NUBPL: variants seen among roughly 807,000 people sequenced by gnomAD.
NUBPL encodes the protein NUBP iron-sulfur cluster assembly factor, mitochondrial.
A neutral mutation model predicts 45.7 loss-of-function variants in NUBPL; 31 were observed. The ratio of observed to expected loss-of-function variants is 0.68; its 90% CI spans 0.51 to 0.92. The LOEUF is 0.92. NUBPL is among the 40% of genes least tolerant of loss of function. The probability of loss-of-function intolerance (pLI) is 0.00; values close to 1 mark genes in which losing one functional copy is unlikely to be tolerated. For synonymous variants in NUBPL, 144 were observed against 140.9 expected, an observed-to-expected ratio of 1.02 and a Z score of -0.15; for missense variants, 401 against 398.7, an observed-to-expected ratio of 1.01 and a Z score of -0.05.
At chr14:31,748,492 A>G (rs1440549679) in intron 6 of NUBPL, among the ~76,000 whole-genome samples, 1 of 152,172 alleles carries the variant, frequency 6.6e-6, no homozygotes, top group East Asian at 1.9e-4. Flanking sequence ...GTAGGTGTGT[A>G]GATATTTACA....
chr14:31,841,916 G>GTTTTT (rs2040374624), intron 8 of NUBPL, among the ~76,000 whole-genome samples: 3 of 33,208 alleles, frequency 9.0e-5, no homozygotes, highest in African/African-American at 3.9e-4. Context: ...TCGATTCTGG[G>GTTTTT]CTTTTTTTTT....
chr14:31,595,091 C>G (rs929295549), intron 3 of NUBPL, among the ~76,000 whole-genome samples: 1 of 152,180 alleles, frequency 6.6e-6, no homozygotes. Flanking sequence ...AACTGTGGTT[C>G]GTGTCTTTGA....
At position 31,760,144 on chromosome 14, in the gene NUBPL, T is replaced by TGTGTGTGTGTGAGAGAGAGAGA; in HGVS notation, c.514-27635_514-27634insTGTGTGTGTGAGAGAGAGAGAG. ...TGACTTTAGTGTGTGTGTGTGTGTG[T>TGTGTGTGTGTGAGAGAGAGAGA]GAGAGAGAGAGAGAGAGAGAGAGAG... On this transcript the variant is annotated intron_variant, in intron 6 of 10. Transcript: ENST00000281081. Among the ~76,000 whole-genome samples the TGTGTGTGTGTGAGAGAGAGAGA allele has an allele frequency of 4.9e-4, 17 of 34,838 alleles. 1 individual carries two copies. The highest frequency in any genetic ancestry group is 1.9e-3 in the South Asian group (1 of 532). The allele number at this position is 34,838 out of a possible 152,430, so 22.9% of individuals were successfully genotyped here.
intron 8 of NUBPL, among the ~76,000 whole-genome samples, chr14:31,827,059 G>GA (rs766666316): frequency 6.6e-6 from 1 of 152,014 alleles, no homozygotes; most frequent in African/African-American, 2.4e-5. Context: ...GGAAGCGGAT[G>GA]AAAAAAAGAT....
chr14:31,657,522 A>G (rs2036169412), intron 4 of NUBPL, among the ~76,000 whole-genome samples: 1 of 151,950 alleles, frequency 6.6e-6, no homozygotes, highest in Non-Finnish European at 1.5e-5. Flanking sequence ...TTTATTTTCT[A>G]TTTTTGTCCT....
chr14:31,585,071 A>G (rs1310937642), intron 3 of NUBPL, among the ~76,000 whole-genome samples: 1 of 152,144 alleles, frequency 6.6e-6, no homozygotes, highest in Non-Finnish European at 1.5e-5. Context: ...GGAGTCATAC[A>G]ATATGTGCTT....
chr14:31,633,912 C>G (rs2139670445), intron 4 of NUBPL, among the ~76,000 whole-genome samples: 1 of 152,132 alleles, frequency 6.6e-6, no homozygotes, highest in Non-Finnish European at 1.5e-5. Context: ...GGTTGCCTTT[C>G]TAGCCATGGA....
At chr14:31,775,776 A>G (rs1028470201) in intron 6 of NUBPL, among the ~76,000 whole-genome samples, 1 of 152,170 alleles carries the variant, frequency 6.6e-6, no homozygotes, top group African/African-American at 2.4e-5. Flanking sequence ...AACTGAGTCT[A>G]CCCTGCTGAA....
rs114107498 is a variant in NUBPL, at chr14:31,837,018, G to A, written c.694-9453G>A. Among the ~76,000 whole-genome samples, 1,151 of 152,194 alleles carry A rather than the reference G, an allele frequency of 7.6e-3. 19 individuals carry two copies. The highest frequency in any genetic ancestry group is 0.026 in the African/African-American group (1,085 of 41,518). Reference sequence around the variant, plus strand: ...AGAAACTTGGTAGTTTATCTGTCTTGTATATTTTTAAAGTGTTTTATTTAT... The same window carrying A: ...AGAAACTTGGTAGTTTATCTGTCTTATATATTTTTAAAGTGTTTTATTTAT... On this transcript the variant is annotated intron_variant, in intron 8 of 10. Transcript: ENST00000281081.
At chr14:31,767,933 G>A (rs1463060472) in intron 6 of NUBPL, among the ~76,000 whole-genome samples, 1 of 152,126 alleles carries the variant, frequency 6.6e-6, no homozygotes, top group Non-Finnish European at 1.5e-5. Flanking sequence ...CTGGCATACT[G>A]CTTAGCTAAC....
chr14:31,817,447 A>G (rs1484016220), intron 7 of NUBPL, among the ~76,000 whole-genome samples: 2 of 152,228 alleles, frequency 1.3e-5, no homozygotes, highest in Non-Finnish European at 2.9e-5. Flanking sequence ...GGTTACCCAC[A>G]AAGGGAAGCC....
At chr14:31,823,001 T>A (rs1250255599) in intron 7 of NUBPL, among the ~76,000 whole-genome samples, 4 of 152,134 alleles carry the variant, frequency 2.6e-5, no homozygotes, top group African/African-American at 9.7e-5. Flanking sequence ...ATAAAACTTT[T>A]ATTTTTTTAA....
intron 10 of NUBPL, among the ~76,000 whole-genome samples, chr14:31,856,257 A>T (rs556307658): frequency 6.6e-6 from 1 of 152,216 alleles, no homozygotes; most frequent in African/African-American, 2.4e-5. Flanking sequence ...TTTTTAAGCT[A>T]TCAGATCTCA....
At chr14:31,636,691 T>C (rs2035512893) in intron 4 of NUBPL, among the ~76,000 whole-genome samples, 1 of 152,222 alleles carries the variant, frequency 6.6e-6, no homozygotes, top group African/African-American at 2.4e-5. Context: ...GTACCTCTGG[T>C]AGAATTCGGC....
chr14:31,853,117 G>GT (rs2040565845), intron 10 of NUBPL, among the ~76,000 whole-genome samples: 1 of 146,568 alleles, frequency 6.8e-6, no homozygotes, highest in South Asian at 2.2e-4. Context: ...GTTTTGTTTT[G>GT]TTTGAGACAG....
chr14:31,800,749 GT>G (rs1438761795), intron 7 of NUBPL: 2 of 152,102 alleles, frequency 1.3e-5, no homozygotes, highest in Non-Finnish European at 2.9e-5. Context: ...TCTGAAGACT[GT>G]CTCAATTTGA....
At chr14:31,848,134 A>T (rs2040481978) in intron 9 of NUBPL, among the ~76,000 whole-genome samples, 1 of 152,220 alleles carries the variant, frequency 6.6e-6, no homozygotes, top group Non-Finnish European at 1.5e-5. Flanking sequence ...TACCCTAAAA[A>T]TGTATCAAAA....
chr14:31,729,281 C>CA (rs376466600), intron 6 of NUBPL, among the ~76,000 whole-genome samples: 4 of 48,136 alleles, frequency 8.3e-5, no homozygotes, highest in South Asian at 2.1e-3. Flanking sequence ...TCCATCCCCC[C>CA]CCCCCCCAAA....
chr14:31,798,330 G>C (rs1482559703), intron 7 of NUBPL, among the ~76,000 whole-genome samples: 2 of 113,524 alleles, frequency 1.8e-5, no homozygotes, highest in South Asian at 2.9e-4. Context: ...TTGCTGTGCT[G>C]TATATAATAT....
Sources: gnomAD v4.1 joint callset for allele counts (sites outside exome capture counted in the v4.1 genomes callset) on GRCh38, gnomAD v4.1.1 for gene constraint, MANE v1.5 for transcripts, NCBI Gene and HGNC (gene_info 2026-07-23, HGNC 2026-07-21) for gene names.